CNTLN: variants seen among roughly 807,000 people sequenced by gnomAD.
The protein encoded by CNTLN is centlein, also known as centlein, centrosomal protein.
A neutral mutation model predicts 180.0 loss-of-function variants in CNTLN; 212 were observed. The ratio of observed to expected loss-of-function variants is 1.18; its 90% CI spans 1.05 to 1.32. The LOEUF (loss-of-function observed/expected upper bound fraction) is 1.32, where lower values mean the gene tolerates loss of function less well. Among genes scored for constraint, CNTLN ranks in the 40% most tolerant of loss-of-function variants. The pLI, the probability that CNTLN is intolerant of heterozygous loss-of-function variation, is 0.00. For missense variants in CNTLN, 2,095 were observed against 1,610.9 expected, an observed-to-expected ratio of 1.30 and a Z score of -5.14; for synonymous variants, 722 against 563.1, an observed-to-expected ratio of 1.28 and a Z score of -3.99.
chr9:17,139,592 G>A (rs934929325), intron 1 of CNTLN, among the ~76,000 whole-genome samples: 2 of 151,782 alleles, frequency 1.3e-5, no homozygotes, highest in Middle Eastern at 3.4e-3. Context: ...CTTGGGAGGC[G>A]AAGGTTGCAG....
intron 25 of CNTLN, among the ~76,000 whole-genome samples, chr9:17,494,200 A>C (rs1347863900): frequency 6.6e-6 from 1 of 152,200 alleles, no homozygotes; most frequent in Non-Finnish European, 1.5e-5. Context: ...TTTATTTTAA[A>C]AGCATATCTG....
intron 12 of CNTLN, among the ~76,000 whole-genome samples, chr9:17,365,047 AC>A (rs1188885187): frequency 6.6e-6 from 1 of 152,110 alleles, no homozygotes; most frequent in Non-Finnish European, 1.5e-5. Flanking sequence ...TTATCTGTCA[AC>A]CAGGTAGGGC....
intron 5 of CNTLN, among the ~76,000 whole-genome samples, chr9:17,270,947 C>CTTTTTTTTTTTT (rs78896738): frequency 8.2e-6 from 1 of 122,156 alleles, no homozygotes. Context: ...GAGAGGAGTT[C>CTTTTTTTTTTTT]TTTTTTTTTT....
intron 14 of CNTLN, among the ~76,000 whole-genome samples, chr9:17,390,505 A>G (rs1437264079): frequency 6.6e-6 from 1 of 151,874 alleles, no homozygotes; most frequent in Non-Finnish European, 1.5e-5. Context: ...CAGCCTCCCA[A>G]AGTGCTGGGA....
At chr9:17,336,560 T>C (rs376577906) in intron 10 of CNTLN, among the ~76,000 whole-genome samples, 9 of 152,224 alleles carry the variant, frequency 5.9e-5, no homozygotes, top group African/African-American at 2.2e-4. Flanking sequence ...ATTATGTCTA[T>C]CAAATGATTT....
intron 2 of CNTLN, among the ~76,000 whole-genome samples, chr9:17,203,540 T>C (rs1326223586): frequency 1.3e-5 from 2 of 152,030 alleles, no homozygotes; most frequent in African/African-American, 4.8e-5. Flanking sequence ...TTTTAATTCT[T>C]TTTTGGTTTG....
chr9:17,401,217 T>A (rs1826947359), intron 15 of CNTLN, among the ~76,000 whole-genome samples: 3 of 152,180 alleles, frequency 2.0e-5, no homozygotes, highest in Admixed American at 2.0e-4. Flanking sequence ...GTAGTAGAGT[T>A]CCTTTCATGT....
downstream of CNTLN, among the ~76,000 whole-genome samples, chr9:17,506,410 G>A (rs1833932890): frequency 6.6e-6 from 1 of 152,048 alleles, no homozygotes; most frequent in South Asian, 2.1e-4. Flanking sequence ...CAACAACAAG[G>A]CAGTCCTCTG....
chr9:17,489,477 A>G (rs984221592), intron 25 of CNTLN, among the ~76,000 whole-genome samples: 1 of 152,052 alleles, frequency 6.6e-6, no homozygotes, highest in Admixed American at 6.6e-5. Flanking sequence ...TGGGTGCTGT[A>G]TGTGATCAAA....
chr9:17,509,441 G>A, the CNTLN span, among the ~76,000 whole-genome samples: 1 of 152,140 alleles, frequency 6.6e-6, no homozygotes, highest in African/African-American at 2.4e-5. Context: ...CACCACCATG[G>A]CATTGCACAC....
intron 12 of CNTLN, among the ~76,000 whole-genome samples, chr9:17,350,373 G>A (rs1460795645): frequency 6.6e-6 from 1 of 152,146 alleles, no homozygotes; most frequent in Non-Finnish European, 1.5e-5. Context: ...TATGTAAAAT[G>A]CTTTAGATGG....
chr9:17,487,295 A>G (rs1379708252), intron 25 of CNTLN: 6 of 478,454 alleles, frequency 1.3e-5, no homozygotes, highest in African/African-American at 1.0e-4. Flanking sequence ...TAGCAAATGC[A>G]TTAATTAAAT....
intron 3 of CNTLN, among the ~76,000 whole-genome samples, chr9:17,231,409 A>G (rs966304382): frequency 6.6e-6 from 1 of 152,048 alleles, no homozygotes; most frequent in African/African-American, 2.4e-5. Flanking sequence ...AATTATTAGT[A>G]TAAAGAATTG....
chr9:17,183,139 AGTT>A (rs1320108528), intron 2 of CNTLN, among the ~76,000 whole-genome samples: 1 of 152,200 alleles, frequency 6.6e-6, no homozygotes, highest in East Asian at 1.9e-4. Flanking sequence ...TGATTCTAGT[AGTT>A]AAGTGTGGAC....
chr9:17,465,319 T>A (rs1461602366), intron 21 of CNTLN, among the ~76,000 whole-genome samples: 1 of 150,680 alleles, frequency 6.6e-6, no homozygotes, highest in Admixed American at 6.6e-5. Flanking sequence ...ATATGGATTT[T>A]CTTTCTCTTC....
At position 17,502,799 on chromosome 9, in the gene CNTLN, A is replaced by T. The variant is rs1242892946; in HGVS notation, c.*147A>T. The T allele has an allele frequency of 2.5e-6, 1 of 399,972 alleles. No homozygotes were observed. Among genetic ancestry groups the T allele is most frequent in the African/African-American group, 2.1e-5 (1 of 47,572 alleles). 24.8% of individuals were successfully genotyped at this position (399,972 alleles called of 1,614,324 possible). A position where few individuals can be genotyped will look rare whatever the true frequency, so the allele number is the denominator to read the frequency against. ...AATAAGAAGTCTCTGAAAATAATTAATTGCTGAACAAGTGAAACTAATTAA... is the reference window on the plus strand; with the variant it reads ...AATAAGAAGTCTCTGAAAATAATTATTTGCTGAACAAGTGAAACTAATTAA... On this transcript the variant is annotated 3_prime_UTR_variant, in exon 26 of 26. Transcript: ENST00000380647.
At chr9:17,185,737 T>TTC (rs1455695383) in intron 2 of CNTLN, among the ~76,000 whole-genome samples, 2 of 151,840 alleles carry the variant, frequency 1.3e-5, no homozygotes, top group African/African-American at 4.8e-5. Flanking sequence ...AGAAAGGCTT[T>TTC]TCTCTCCTCT....
chr9:17,317,117 A>G (rs1244454083), intron 8 of CNTLN, among the ~76,000 whole-genome samples: 1 of 151,968 alleles, frequency 6.6e-6, no homozygotes, highest in African/African-American at 2.4e-5. Flanking sequence ...GAGAAATCTG[A>G]TGTAATTTTA....
intron 13 of CNTLN, among the ~76,000 whole-genome samples, chr9:17,372,325 A>G (rs1293088559): frequency 1.3e-5 from 2 of 152,180 alleles, no homozygotes; most frequent in Non-Finnish European, 2.9e-5. Context: ...ATCACCAACT[A>G]TATGCCAAAT....
Sources: gnomAD v4.1 joint callset for allele counts (sites outside exome capture counted in the v4.1 genomes callset) on GRCh38, gnomAD v4.1.1 for gene constraint, MANE v1.5 for transcripts, NCBI Gene and HGNC (gene_info 2026-07-23, HGNC 2026-07-21) for gene names.